The following CAMKMT variants were observed in gnomAD, a reference collection of about 807,000 sequenced individuals.
CAMKMT encodes the protein CaM KMT.
CAMKMT carries 53 observed loss-of-function variants against 48.0 expected under a neutral mutation model. The observed-to-expected ratio is 1.10, with a 90% CI of 0.89 to 1.39. The LOEUF (loss-of-function observed/expected upper bound fraction) is 1.39. CAMKMT is among the 40% of genes most tolerant of loss of function. The pLI, the probability that CAMKMT is intolerant of heterozygous loss-of-function variation, is 0.00. For synonymous variants in CAMKMT, 165 were observed against 152.3 expected (o/e 1.08, Z -0.61); for missense variants, 428 against 402.7 (o/e 1.06, Z -0.54).
intron 9 of CAMKMT, among the ~76,000 whole-genome samples, chr2:44,758,845 C>A (rs1680491399): frequency 6.6e-6 from 1 of 152,184 alleles, no homozygotes; most frequent in African/African-American, 2.4e-5. Context: ...TGACAACCAA[C>A]AAATGGTATC....
At chr2:44,577,685 GGGAGAGGGAGAC>G (rs1422741023) in intron 3 of CAMKMT, among the ~76,000 whole-genome samples, 2 of 150,154 alleles carry the variant, frequency 1.3e-5, no homozygotes, top group East Asian at 3.9e-4. Flanking sequence ...GAGACAGAGA[GGGAGAGGGAGAC>G]GGAGAGGGAG....
chr2:44,663,086 T>C (rs1376927227), intron 3 of CAMKMT, among the ~76,000 whole-genome samples: 2 of 152,224 alleles, frequency 1.3e-5, no homozygotes, highest in Non-Finnish European at 2.9e-5. Context: ...AGAATAAGAA[T>C]ATTTTCTTAA....
intron 3 of CAMKMT, among the ~76,000 whole-genome samples, chr2:44,547,457 C>T (rs903907773): frequency 7.9e-4 from 120 of 152,104 alleles, no homozygotes; most frequent in African/African-American, 2.8e-3. Context: ...GAACTTGAGG[C>T]TGTAGTGCAC....
chr2:44,442,913 G>T (rs992275037), intron 3 of CAMKMT, among the ~76,000 whole-genome samples: 1 of 152,166 alleles, frequency 6.6e-6, no homozygotes, highest in Non-Finnish European at 1.5e-5. Context: ...AAGAATAAAT[G>T]AATGAATAAA....
intron 3 of CAMKMT, among the ~76,000 whole-genome samples, chr2:44,406,609 A>G (rs912900741): frequency 2.6e-5 from 4 of 152,008 alleles, no homozygotes; most frequent in Non-Finnish European, 5.9e-5. Context: ...AATTATTATT[A>G]TTTTTGAGAC....
intron 6 of CAMKMT, among the ~76,000 whole-genome samples, chr2:44,711,573 C>G (rs1214104535): frequency 6.6e-6 from 1 of 152,176 alleles, no homozygotes; most frequent in Non-Finnish European, 1.5e-5. Flanking sequence ...GCCTCCACCT[C>G]CCTAAGTGTT....
chr2:44,751,061 C>A (rs540981190), intron 8 of CAMKMT, among the ~76,000 whole-genome samples: 1 of 152,116 alleles, frequency 6.6e-6, no homozygotes, highest in South Asian at 2.1e-4. Flanking sequence ...AGCATAGCAG[C>A]TGAATGAGAG....
chr2:44,769,281 A>G (rs1229069311), intron 10 of CAMKMT, among the ~76,000 whole-genome samples: 1 of 152,218 alleles, frequency 6.6e-6, no homozygotes, highest in Non-Finnish European at 1.5e-5. Context: ...CTGTAATCAA[A>G]ACGGTGCCAT....
At chr2:44,734,399 A>G (rs1679246775) in intron 7 of CAMKMT, among the ~76,000 whole-genome samples, 1 of 151,964 alleles carries the variant, frequency 6.6e-6, no homozygotes, top group Admixed American at 6.6e-5. Flanking sequence ...CATTGTGGTC[A>G]GGAAACATTC....
In CAMKMT at chr2:44,618,760, T is replaced by G. The variant is rs1187914179; in HGVS notation, c.377-85523T>G. 6.6e-6 allele frequency among the ~76,000 whole-genome samples: 1 copy of G among 152,162 alleles called. No homozygotes were observed. The highest frequency in any genetic ancestry group is 1.5e-5 in the Non-Finnish European group (1 of 68,030). ...TTATTTGAAGGCGCCTTCTGCAGAG[T>G]TCAGCAGTAAGGCTCTCAGTGCTTC... On this transcript the variant is annotated intron_variant, in intron 3 of 10. Coordinates refer to ENST00000378494, the MANE Select transcript of CAMKMT (RefSeq NM_024766.5). The surrounding 1 kb of genome is among the most constrained non-coding windows in gnomAD (Gnocchi z 4.0).
rs1422666783 is a variant in CAMKMT at position 44,372,764 on chromosome 2, A to G, written c.187A>G (p.Arg63Gly). 2 of 1,613,616 alleles carry G rather than the reference A, an allele frequency of 1.2e-6. No homozygotes were observed. The highest frequency in any genetic ancestry group is 8.5e-7 in the Non-Finnish European group (1 of 1,179,900). ...LDDCLRHVSV[R>G]RFESFNLFSV... is the part of the protein sequence containing the mutation. ...TGATTGCCTGCGACATGTATCTGTA[A>G]GAAGATTTGAATCATTTAATCTGTT... Residue 63 changes from arginine (R) to glycine (G), a missense_variant, in exon 2 of 11, where the codon AGA becomes GGA. Coordinates refer to ENST00000378494, the MANE Select transcript of CAMKMT (RefSeq NM_024766.5).
At chr2:44,682,659 T>C (rs1441313331) in intron 3 of CAMKMT, among the ~76,000 whole-genome samples, 1 of 152,202 alleles carries the variant, frequency 6.6e-6, no homozygotes, top group Non-Finnish European at 1.5e-5. Context: ...GACCGAGCTA[T>C]CACAGCCTCA....
intron 7 of CAMKMT, 56 bp from the exon 8 acceptor site, chr2:44,743,566 A>T: frequency 7.7e-7 from 1 of 1,296,792 alleles, no homozygotes. Flanking sequence ...AATAGCTCAA[A>T]ATCAAAATTT....
chr2:44,459,194 G>A (rs1188247626), intron 3 of CAMKMT, among the ~76,000 whole-genome samples: 2 of 151,856 alleles, frequency 1.3e-5, no homozygotes, highest in African/African-American at 4.8e-5. Flanking sequence ...ACATAGTTTT[G>A]AAGACCAGCT....
At chr2:44,718,779 CTT>C (rs1678305483) in intron 7 of CAMKMT, among the ~76,000 whole-genome samples, 1 of 152,138 alleles carries the variant, frequency 6.6e-6, no homozygotes, top group Admixed American at 6.5e-5. Flanking sequence ...ATGTATGTAT[CTT>C]TGTGTGAAAG....
chr2:44,586,973 C>A (rs187350190), intron 3 of CAMKMT, among the ~76,000 whole-genome samples: 3 of 152,264 alleles, frequency 2.0e-5, no homozygotes, highest in Admixed American at 1.3e-4. Context: ...GAGTCCTTTC[C>A]ATTTTAGTCA....
chr2:44,563,303 A>G (rs1668426298), intron 3 of CAMKMT, among the ~76,000 whole-genome samples: 2 of 151,616 alleles, frequency 1.3e-5, no homozygotes, highest in African/African-American at 2.4e-5. Flanking sequence ...GACTTTTTTT[A>G]CTTCAAAATG....
intron 3 of CAMKMT, among the ~76,000 whole-genome samples, chr2:44,409,687 G>A (rs1683057961): frequency 6.6e-6 from 1 of 152,104 alleles, no homozygotes; most frequent in South Asian, 2.1e-4. Flanking sequence ...TCTTAAGATG[G>A]TAATAGAAAA....
chr2:44,566,973 G>A (rs76773712), intron 3 of CAMKMT, among the ~76,000 whole-genome samples: 4,164 of 152,230 alleles, frequency 0.027, 181 homozygotes, highest in African/African-American at 0.095. Flanking sequence ...AGTAGTAGTA[G>A]CAGAATTTGG....
Sources: allele counts gnomAD v4.1 joint callset (sites outside exome capture counted in the v4.1 genomes callset), GRCh38; gene constraint gnomAD v4.1.1; non-coding constraint Gnocchi (gnomAD v3.1); transcripts MANE v1.5; gene names NCBI Gene and HGNC (gene_info 2026-07-23, HGNC 2026-07-21).